The following ERC2 variants were observed in gnomAD, a reference collection of about 807,000 sequenced individuals.
ERC2 encodes the protein ERC protein 2.
A neutral mutation model predicts 114.8 loss-of-function variants in ERC2; 42 were observed. The observed-to-expected ratio is 0.37, with a 90% confidence interval of 0.29 to 0.47. ERC2 has a LOEUF of 0.47. Among genes scored for constraint, ERC2 ranks in the 20% least tolerant of loss-of-function variants. The probability of loss-of-function intolerance (pLI) is 0.99; values close to 1 mark genes in which losing one functional copy is unlikely to be tolerated. For missense variants in ERC2, 939 were observed against 1,150.7 expected (o/e 0.82, Z 2.66); for synonymous variants, 454 against 425.5 (o/e 1.07, Z -0.82).
chr3:55,965,208 A>G (rs1276862433), intron 12 of ERC2, among the ~76,000 whole-genome samples: 2 of 152,202 alleles, frequency 1.3e-5, no homozygotes, highest in Non-Finnish European at 2.9e-5. Flanking sequence ...GGACCATGTC[A>G]GAATCCTGTC....
At chr3:55,847,550 G>A (rs1005089591) in intron 14 of ERC2, among the ~76,000 whole-genome samples, 6 of 152,212 alleles carry the variant, frequency 3.9e-5, no homozygotes, top group East Asian at 1.9e-4. Context: ...AGGTAAAGCT[G>A]TGCATCATCA....
At chr3:56,273,008 A>C (rs1195718449) in intron 3 of ERC2, among the ~76,000 whole-genome samples, 1 of 152,210 alleles carries the variant, frequency 6.6e-6, no homozygotes, top group Non-Finnish European at 1.5e-5. Flanking sequence ...ACTTTCCTTC[A>C]TAGCATCAGC....
intron 4 of ERC2, among the ~76,000 whole-genome samples, chr3:56,160,916 C>A (rs1421424594): frequency 6.6e-6 from 1 of 152,120 alleles, no homozygotes; most frequent in Non-Finnish European, 1.5e-5. Context: ...TAATATGATG[C>A]CTCCAGGCTT....
intron 17 of ERC2, among the ~76,000 whole-genome samples, chr3:55,532,955 A>T (rs2053761653): frequency 6.6e-6 from 1 of 152,180 alleles, no homozygotes; most frequent in Non-Finnish European, 1.5e-5. Flanking sequence ...AAACAAACAA[A>T]CAAAAACTGC....
intron 3 of ERC2, among the ~76,000 whole-genome samples, chr3:56,206,574 G>C (rs1230162268): frequency 6.6e-6 from 1 of 152,170 alleles, no homozygotes; most frequent in African/African-American, 2.4e-5. Context: ...ACATTCATCT[G>C]AGACAAAAAG....
chr3:55,992,329 A>C (rs553022478), intron 10 of ERC2, 79 bp from the exon 11 acceptor site: 1 of 1,281,584 alleles, frequency 7.8e-7, no homozygotes, highest in African/African-American at 1.5e-5. Context: ...AATGGTCCAG[A>C]AATTAACTTT....
intron 3 of ERC2, among the ~76,000 whole-genome samples, chr3:56,200,672 T>A (rs748411725): frequency 6.6e-6 from 1 of 152,148 alleles, no homozygotes; most frequent in Non-Finnish European, 1.5e-5. Context: ...AGGAGAATAC[T>A]CCATAGATAC....
intron 13 of ERC2, among the ~76,000 whole-genome samples, chr3:55,921,588 G>A (rs1007802488): frequency 5.9e-5 from 9 of 151,924 alleles, no homozygotes; most frequent in African/African-American, 1.5e-4. Context: ...ACAATGCAAT[G>A]GCTTCTAAGA....
At chr3:56,395,798 C>T (rs1035804642) in intron 2 of ERC2, among the ~76,000 whole-genome samples, 4 of 152,146 alleles carry the variant, frequency 2.6e-5, no homozygotes, top group African/African-American at 9.7e-5. Context: ...CGGCCTCAGA[C>T]AAAATGTTAA....
chr3:56,467,730 T>A (rs112769331), intron 1 of ERC2, among the ~76,000 whole-genome samples: 2,744 of 151,036 alleles, frequency 0.018, 37 homozygotes, highest in Middle Eastern at 0.041. Flanking sequence ...ACGGGTTTTT[T>A]AAAAAAAAAT....
chr3:55,531,631 C>T (rs920963269), intron 17 of ERC2, among the ~76,000 whole-genome samples: 5 of 152,302 alleles, frequency 3.3e-5, no homozygotes, highest in Non-Finnish European at 7.4e-5. Flanking sequence ...GCACAAATCA[C>T]AGATACTCAC....
At chr3:55,851,188 T>A (rs57143564) in intron 14 of ERC2, among the ~76,000 whole-genome samples, 14,784 of 145,448 alleles carry the variant, frequency 0.1, 1,613 homozygotes, top group African/African-American at 0.22. Flanking sequence ...ATGATTTTTT[T>A]AAGCCCATGC....
chr3:55,799,305 C>T (rs1016148298), intron 14 of ERC2, among the ~76,000 whole-genome samples: 1 of 151,062 alleles, frequency 6.6e-6, no homozygotes, highest in African/African-American at 2.4e-5. Flanking sequence ...AGGATAGAAA[C>T]ATTGTGTGTG....
chr3:55,653,123 C>T (rs1395808151), intron 17 of ERC2, among the ~76,000 whole-genome samples: 1 of 152,066 alleles, frequency 6.6e-6, no homozygotes, highest in Non-Finnish European at 1.5e-5. Context: ...GGAATTCATT[C>T]AAGAAAAATA....
At chr3:55,602,752 C>T (rs999519375) in intron 17 of ERC2, among the ~76,000 whole-genome samples, 3 of 152,004 alleles carry the variant, frequency 2.0e-5, no homozygotes, top group Admixed American at 1.3e-4. Flanking sequence ...TGTTCATTCA[C>T]CCCCCCAATG....
intron 2 of ERC2, among the ~76,000 whole-genome samples, chr3:56,356,295 C>G (rs1416184912): frequency 6.6e-6 from 1 of 152,156 alleles, no homozygotes; most frequent in Non-Finnish European, 1.5e-5. Flanking sequence ...CTCCCAAGCT[C>G]TCTGGGCCAA....
intron 2 of ERC2, among the ~76,000 whole-genome samples, chr3:56,323,711 C>T: frequency 6.6e-6 from 1 of 152,178 alleles, no homozygotes; most frequent in Non-Finnish European, 1.5e-5. Context: ...AATGGCCCAT[C>T]TCTACCACCC....
chr3:56,355,301 T>C (rs553021435), intron 2 of ERC2, among the ~76,000 whole-genome samples: 1 of 149,994 alleles, frequency 6.7e-6, no homozygotes, highest in African/African-American at 2.4e-5. Context: ...TTTTCTTGTT[T>C]TCTTTTTCTT....
At chr3:55,661,298 C>T (rs2061124246) in intron 17 of ERC2, among the ~76,000 whole-genome samples, 1 of 152,188 alleles carries the variant, frequency 6.6e-6, no homozygotes, top group Non-Finnish European at 1.5e-5. Context: ...ATTTACTTTC[C>T]AGCTCATTCA....
Sources: gnomAD v4.1 joint callset for allele counts (sites outside exome capture counted in the v4.1 genomes callset) on GRCh38, gnomAD v4.1.1 for gene constraint, MANE v1.5 for transcripts, NCBI Gene and HGNC (gene_info 2026-07-23, HGNC 2026-07-21) for gene names.